The following ZSWIM5 variants were observed in gnomAD, a reference collection of about 807,000 sequenced individuals.
The protein encoded by ZSWIM5 is zinc finger SWIM domain-containing protein 5.
In ZSWIM5, 55 loss-of-function variants were observed where a neutral mutation model predicts 119.6. That is an observed-to-expected ratio of 0.46 (90% CI 0.37 to 0.58). The LOEUF is 0.58. Among genes scored for constraint, ZSWIM5 ranks in the 20% least tolerant of loss-of-function variants. The probability of loss-of-function intolerance (pLI) is 0.00; values close to 1 mark genes in which losing one functional copy is unlikely to be tolerated. For missense variants in ZSWIM5, 1,193 were observed against 1,512.8 expected, an observed-to-expected ratio of 0.79 and a Z score of 3.51; for synonymous variants, 537 against 606.9, an observed-to-expected ratio of 0.88 and a Z score of 1.69.
At chr1:45,098,154 T>C (rs1339785107) in intron 1 of ZSWIM5, among the ~76,000 whole-genome samples, 2 of 152,052 alleles carry the variant, frequency 1.3e-5, no homozygotes, top group African/African-American at 4.8e-5. Flanking sequence ...TAGAGGATCA[T>C]GGAATGTTCA....
At chr1:45,051,008 C>G in intron 5 of ZSWIM5, 66 bp downstream of exon 5, 1 of 1,497,558 alleles carries the variant, frequency 6.7e-7, no homozygotes, top group Non-Finnish European at 9.0e-7. Flanking sequence ...TACCATTGTT[C>G]TAGGGTTTAC....
intron 1 of ZSWIM5, among the ~76,000 whole-genome samples, chr1:45,174,615 C>T (rs1645967935): frequency 6.7e-6 from 1 of 149,022 alleles, no homozygotes; most frequent in African/African-American, 2.5e-5. Flanking sequence ...ACACCCAATA[C>T]AAAATACTCT....
intron 1 of ZSWIM5, among the ~76,000 whole-genome samples, chr1:45,169,236 T>TAATCCTTCCTCCTTTAAAA (rs1645929649): frequency 6.6e-6 from 1 of 151,878 alleles, no homozygotes; most frequent in Non-Finnish European, 1.5e-5. Context: ...AAAACTCTTC[T>TAATCCTTCCTCCTTTAAAA]AATCCTTCCT....
chr1:45,093,565 T>G (rs1354882739), intron 1 of ZSWIM5, among the ~76,000 whole-genome samples: 1 of 152,244 alleles, frequency 6.6e-6, no homozygotes, highest in Non-Finnish European at 1.5e-5. Context: ...GCTTCAGGCC[T>G]AGGCCCATCT....
intron 1 of ZSWIM5, among the ~76,000 whole-genome samples, chr1:45,151,122 G>C (rs961577649): frequency 9.9e-5 from 15 of 152,054 alleles, no homozygotes; most frequent in Non-Finnish European, 1.5e-5. Flanking sequence ...TGGACAATGA[G>C]ACAAATTCTC....
intron 1 of ZSWIM5, among the ~76,000 whole-genome samples, chr1:45,121,019 G>A (rs1269428676): frequency 5.3e-5 from 8 of 151,530 alleles, no homozygotes; most frequent in South Asian, 2.1e-4. Context: ...GCGCGATCTC[G>A]GCTCACTGCA....
intron 2 of ZSWIM5, among the ~76,000 whole-genome samples, chr1:45,068,691 T>C (rs902602412): frequency 6.6e-6 from 1 of 151,816 alleles, no homozygotes; most frequent in Non-Finnish European, 1.5e-5. Context: ...AACTGGAAAG[T>C]TGATTTTTAG....
chr1:45,126,964 G>A (rs948355065), intron 1 of ZSWIM5, among the ~76,000 whole-genome samples: 2 of 151,976 alleles, frequency 1.3e-5, no homozygotes, highest in African/African-American at 4.8e-5. Context: ...TCGTTCTCCC[G>A]AGTAGCTGGG....
chr1:45,140,540 C>T (rs999376325), intron 1 of ZSWIM5, among the ~76,000 whole-genome samples: 11 of 151,986 alleles, frequency 7.2e-5, no homozygotes, highest in African/African-American at 2.7e-4. Flanking sequence ...AAACAGGCAA[C>T]AAATAGCAAG....
intron 1 of ZSWIM5, among the ~76,000 whole-genome samples, chr1:45,136,451 C>T (rs1372230436): frequency 6.6e-6 from 1 of 151,930 alleles, no homozygotes; most frequent in Non-Finnish European, 1.5e-5. Flanking sequence ...TTTTTTTGCT[C>T]CTACTACAGA....
chr1:45,076,225 A>T (rs1021435097), intron 2 of ZSWIM5, among the ~76,000 whole-genome samples: 3 of 152,128 alleles, frequency 2.0e-5, no homozygotes, highest in African/African-American at 7.2e-5. Flanking sequence ...GTACCTTCAT[A>T]TGATTTCTTA....
intron 1 of ZSWIM5, among the ~76,000 whole-genome samples, chr1:45,145,615 C>A (rs191511559): frequency 1.5e-4 from 22 of 151,690 alleles, no homozygotes; most frequent in South Asian, 4.2e-4. Flanking sequence ...TAAAAAAAAA[C>A]CAAAACTATA....
At chr1:45,172,333 A>G (rs1178922638) in intron 1 of ZSWIM5, among the ~76,000 whole-genome samples, 1 of 152,130 alleles carries the variant, frequency 6.6e-6, no homozygotes, top group Non-Finnish European at 1.5e-5. Flanking sequence ...TCAATTGGTA[A>G]TAAACAGCAA....
At chr1:45,053,271 A>G (rs559596584) in intron 4 of ZSWIM5, among the ~76,000 whole-genome samples, 2 of 152,276 alleles carry the variant, frequency 1.3e-5, no homozygotes, top group South Asian at 2.1e-4. Flanking sequence ...CTTCACAGGT[A>G]AAAAAGAGGA....
chr1:45,122,587 C>T (rs2149028039), intron 1 of ZSWIM5, among the ~76,000 whole-genome samples: 1 of 152,274 alleles, frequency 6.6e-6, no homozygotes, highest in African/African-American at 2.4e-5. Context: ...AGGAATGACA[C>T]AGTGAGGATT....
At chr1:45,100,900 C>T (rs1645435953) in intron 1 of ZSWIM5, among the ~76,000 whole-genome samples, 2 of 152,144 alleles carry the variant, frequency 1.3e-5, no homozygotes, top group South Asian at 4.1e-4. Context: ...AAAATTAATT[C>T]AAGATGGATT....
At chr1:45,043,103 T>C in intron 6 of ZSWIM5, 116 bp downstream of exon 6, 1 of 1,033,702 alleles carries the variant, frequency 9.7e-7, no homozygotes, top group Non-Finnish European at 1.4e-6. Flanking sequence ...CCAAAATATC[T>C]GTGTGAAAAC....
At chr1:45,052,661 T>A (rs1199595129) in intron 4 of ZSWIM5, among the ~76,000 whole-genome samples, 1 of 151,432 alleles carries the variant, frequency 6.6e-6, no homozygotes, top group African/African-American at 2.4e-5. Context: ...TGGTCCCAGC[T>A]ACTCAGGAGG....
At chr1:45,175,488 C>T (rs530248184) in intron 1 of ZSWIM5, among the ~76,000 whole-genome samples, 111 of 152,104 alleles carry the variant, frequency 7.3e-4, no homozygotes, top group Non-Finnish European at 1.3e-3. Context: ...TTCATTCTGT[C>T]GCCCAAGCTG....
Sources: gnomAD v4.1 joint callset for allele counts (sites outside exome capture counted in the v4.1 genomes callset) on GRCh38, gnomAD v4.1.1 for gene constraint, MANE v1.5 for transcripts, NCBI Gene and HGNC (gene_info 2026-07-23, HGNC 2026-07-21) for gene names.